Variants in GCNT2 observed in about 807,000 individuals in gnomAD.
The protein encoded by GCNT2 is glucosaminyl (N-acetyl) transferase 2 (I blood group).
In GCNT2, 34 loss-of-function variants were observed where a neutral mutation model predicts 34.2. That is an observed-to-expected ratio of 1.00 (90% CI 0.76 to 1.32). GCNT2 has a LOEUF of 1.32. Ranked by LOEUF, GCNT2 falls within the 40% of genes most tolerant of loss-of-function variation. GCNT2 has a pLI of 0.00. For synonymous variants in GCNT2, 212 were observed against 188.0 expected (o/e 1.13, Z -1.04); for missense variants, 584 against 489.4 (o/e 1.19, Z -1.82).
intron 3 of GCNT2, among the ~76,000 whole-genome samples, chr6:10,570,705 G>A (rs1279483531): frequency 6.6e-6 from 1 of 152,192 alleles, no homozygotes; most frequent in Admixed American, 6.5e-5. Flanking sequence ...TACTGAAAAA[G>A]GCCCTCCTGC....
At chr6:10,534,365 A>G (rs1046287516) in intron 3 of GCNT2, among the ~76,000 whole-genome samples, 16 of 151,340 alleles carry the variant, frequency 1.1e-4, no homozygotes, top group African/African-American at 2.9e-4. Flanking sequence ...TAGTCTTCTG[A>G]CCTCAGGTGA....
chr6:10,615,577 G>T (rs1015593659), intron 3 of GCNT2, among the ~76,000 whole-genome samples: 1 of 152,048 alleles, frequency 6.6e-6, no homozygotes, highest in African/African-American at 2.4e-5. Flanking sequence ...TACAGGAAAG[G>T]GATCCCGATC....
chr6:10,623,135 A>T (rs1022148341), intron 4 of GCNT2, among the ~76,000 whole-genome samples: 2 of 151,030 alleles, frequency 1.3e-5, no homozygotes, highest in African/African-American at 4.9e-5. Context: ...CATTACACCA[A>T]CCTCTTTCTC....
chr6:10,614,032 G>C (rs1765665087), intron 3 of GCNT2, among the ~76,000 whole-genome samples: 1 of 152,158 alleles, frequency 6.6e-6, no homozygotes, highest in Admixed American at 6.5e-5. Context: ...AGAGTGATGG[G>C]ACTGGTAGCT....
chr6:10,547,778 T>A (rs1441758529), intron 3 of GCNT2, among the ~76,000 whole-genome samples: 2 of 152,222 alleles, frequency 1.3e-5, no homozygotes, highest in East Asian at 1.9e-4. Context: ...CTGTGTTTAT[T>A]AGTTGACATT....
intron 3 of GCNT2, among the ~76,000 whole-genome samples, chr6:10,532,868 C>T (rs1000896785): frequency 4.0e-5 from 6 of 148,758 alleles, no homozygotes; most frequent in African/African-American, 1.2e-4. Context: ...AGCCATTTTC[C>T]GTTGTAAGGG....
chr6:10,537,906 T>G (rs534442135), intron 3 of GCNT2, among the ~76,000 whole-genome samples: 1 of 151,998 alleles, frequency 6.6e-6, no homozygotes, highest in Non-Finnish European at 1.5e-5. Context: ...TGTGATTTCT[T>G]GAATACAGTG....
chr6:10,585,032 A>AGAGT (rs1491259912), intron 3 of GCNT2, among the ~76,000 whole-genome samples: 3 of 127,482 alleles, frequency 2.4e-5, no homozygotes, highest in African/African-American at 9.5e-5. Flanking sequence ...TCCCATAGTC[A>AGAGT]GTGTGTGTGT....
chr6:10,536,451 T>TTCACGCCATTCTCCTGCCTCAGCC (rs1254106067), intron 3 of GCNT2, among the ~76,000 whole-genome samples: 2 of 151,110 alleles, frequency 1.3e-5, no homozygotes, highest in African/African-American at 4.9e-5. Context: ...TCCTCCCGGG[T>TTCACGCCATTCTCCTGCCTCAGCC]TCACGCCATT....
At chr6:10,623,307 T>G (rs1766122128) in intron 4 of GCNT2, among the ~76,000 whole-genome samples, 1 of 149,748 alleles carries the variant, frequency 6.7e-6, no homozygotes, top group Non-Finnish European at 1.5e-5. Flanking sequence ...TTTTTTTTTT[T>G]GAGATGGAGT....
chr6:10,602,300 C>T lies in GCNT2; in HGVS notation c.926-19051C>T, dbSNP rs183763302. 1.6e-3 allele frequency among the ~76,000 whole-genome samples: 238 copies of T among 152,302 alleles called. 2 individuals are homozygous for T. The highest frequency in any genetic ancestry group is 3.1e-3 in the South Asian group (15 of 4,822). The stretch of plus-strand genomic sequence containing the variant: ...GGTACTCCTAGGACCCCCTACCCCA[C>T]AAGGGCTCCTTCCCAGACACGTCCA... On this transcript the variant is annotated intron_variant, in intron 3 of 4. Transcript: ENST00000495262.
intron 3 of GCNT2, chr6:10,619,554 A>G (rs886750350): frequency 2.0e-5 from 3 of 151,714 alleles, no homozygotes; most frequent in African/African-American, 4.9e-5. Flanking sequence ...GGGTCTCACT[A>G]TGTTGCCCAG....
intron 3 of GCNT2, among the ~76,000 whole-genome samples, chr6:10,536,033 C>G (rs1222518979): frequency 6.6e-6 from 1 of 152,024 alleles, no homozygotes; most frequent in Non-Finnish European, 1.5e-5. Context: ...CTGATATATC[C>G]CGTTAGTTCC....
intron 3 of GCNT2, among the ~76,000 whole-genome samples, chr6:10,618,301 C>T (rs576655993): frequency 6.6e-6 from 1 of 152,270 alleles, no homozygotes; most frequent in South Asian, 2.1e-4. Context: ...TGTCATCAAA[C>T]AGAAAGTATT....
intron 3 of GCNT2, among the ~76,000 whole-genome samples, chr6:10,589,971 T>G (rs1471654809): frequency 6.6e-6 from 1 of 152,210 alleles, no homozygotes; most frequent in African/African-American, 2.4e-5. Flanking sequence ...TACAAGGAAT[T>G]TTCTGGACCA....
In GCNT2 at chr6:10,529,025, T is replaced by C; in HGVS notation, c.114T>C (p.Ala38=). 6.2e-7 allele frequency: 1 copy of C among 1,614,140 alleles called. No homozygotes were observed. ...LWENKRFLRA[A]LSNASLLAEA... ...AGAATAAACGTTTTCTGAGGGCAGC[T>C]CTGTCCAATGCTTCACTGTTAGCAG... Residue 38 remains alanine, a synonymous_variant, in exon 3 of 5, where the codon GCT becomes GCC. Coordinates refer to ENST00000495262, the MANE Select transcript of GCNT2 (RefSeq NM_145649.5).
chr6:10,582,169 ATT>A (rs1428586693), intron 3 of GCNT2, among the ~76,000 whole-genome samples: 2 of 134,766 alleles, frequency 1.5e-5, no homozygotes, highest in African/African-American at 5.5e-5. Context: ...TGTATAAAAT[ATT>A]TTATATAAAA....
At chr6:10,599,003 G>A (rs1211514697) in intron 3 of GCNT2, among the ~76,000 whole-genome samples, 6 of 152,118 alleles carry the variant, frequency 3.9e-5, no homozygotes, top group Non-Finnish European at 7.4e-5. Flanking sequence ...AATTGCCCTC[G>A]TTAAGGGGAA....
intron 3 of GCNT2, chr6:10,574,740 C>T: frequency 1.9e-6 from 1 of 529,662 alleles, no homozygotes; most frequent in Non-Finnish European, 3.6e-6. Context: ...TTTTTTTTAA[C>T]ACCTATGATG....
Sources: gnomAD v4.1 joint callset for allele counts (sites outside exome capture counted in the v4.1 genomes callset) on GRCh38, gnomAD v4.1.1 for gene constraint, MANE v1.5 for transcripts, NCBI Gene and HGNC (gene_info 2026-07-23, HGNC 2026-07-21) for gene names.